Variants in VXN observed in about 807,000 individuals in gnomAD.
The protein encoded by VXN is uncharacterized protein C8orf46.
Under a neutral mutation model 23.1 loss-of-function variants are expected in VXN, and 7 were observed. The observed-to-expected ratio is 0.30, with a 90% CI of 0.17 to 0.57. VXN has a LOEUF of 0.57. Ranked by LOEUF, VXN falls within the 20% of genes least tolerant of loss-of-function variation. The pLI is 0.91. For synonymous variants in VXN, 120 were observed against 105.8 expected, an observed-to-expected ratio of 1.13 and a Z score of -0.83; for missense variants, 238 against 272.6, an observed-to-expected ratio of 0.87 and a Z score of 0.89.
At chr8:66,500,006 C>T (rs1317381077) in intron 2 of VXN, among the ~76,000 whole-genome samples, 1 of 151,882 alleles carries the variant, frequency 6.6e-6, no homozygotes, top group Admixed American at 6.6e-5. Context: ...AGATTACAGG[C>T]CTGAGCCACT....
rs748721764 is a variant in VXN at position 66,505,525 on chromosome 8, C to A, written c.277C>A (p.Pro93Thr). The change falls in exon 3 of 6, where the codon CCC becomes ACC. Residue 93 changes from proline (P) to threonine (T), a missense_variant. Physicochemically the swap from Pro to Thr is conservative, Grantham distance 38. Transcript: ENST00000305454. Reference sequence around the variant, plus strand: ...CCACCCGGCCAAAGCCTCTGCCAGACCCGGTACGTGAGTCCCGGCCCCAGC... The same window carrying A: ...CCACCCGGCCAAAGCCTCTGCCAGAACCGGTACGTGAGTCCCGGCCCCAGC... ...TAHPAKASAR[P>T]VGISEPKTSN... 2.2e-5 allele frequency: 34 copies of A among 1,513,290 alleles called. No homozygotes were observed. The highest frequency in any genetic ancestry group is 1.1e-4 in the Admixed American group (5 of 44,742). The allele number at this position is 1,513,290 out of a possible 1,614,324, so 93.7% of individuals were successfully genotyped here.
At chr8:66,515,857 G>A (rs369677098) in intron 5 of VXN, 36 bp from the exon 6 acceptor site, 94 of 1,510,774 alleles carry the variant, frequency 6.2e-5, no homozygotes, top group Non-Finnish European at 7.1e-6. Context: ...CTTGTGAGCA[G>A]ACCACCCTCC....
At chr8:66,505,635 A>T (rs1807745062) in intron 3 of VXN, 107 bp downstream of exon 3, 2 of 1,322,262 alleles carry the variant, frequency 1.5e-6, no homozygotes, top group East Asian at 5.3e-5. Flanking sequence ...CTGCGGCCTC[A>T]GTCGCGCCAG....
chr8:66,510,108 A>C lies in VXN; in HGVS notation c.293A>C (p.Glu98Ala). Residue 98 changes from glutamate (E) to alanine (A), a missense_variant, in exon 4 of 6, where the codon GAA (glutamate) becomes GCA (alanine). This residue lies in a region of VXN where 223 missense variants were observed against 236.9 expected (regional missense o/e 0.94). Transcript: ENST00000305454. Reference sequence around the variant, plus strand: ...TTCAACATTGCAGTGGGGATTTCTGAACCCAAAACATCAAATCTGTGTGGG... The same window carrying C: ...TTCAACATTGCAGTGGGGATTTCTGCACCCAAAACATCAAATCTGTGTGGG... ...KASARPVGISEPKTSNLCGNR... is the reference protein window; with the variant it reads ...KASARPVGISAPKTSNLCGNR... 1 of 1,614,038 alleles carries C rather than the reference A, an allele frequency of 6.2e-7. No homozygotes were observed. Among genetic ancestry groups the C allele is most frequent in the South Asian group, 1.1e-5 (1 of 91,056 alleles).
At chr8:66,503,835 C>T (rs911346844) in intron 2 of VXN, among the ~76,000 whole-genome samples, 4 of 152,216 alleles carry the variant, frequency 2.6e-5, no homozygotes, top group Admixed American at 6.5e-5. Flanking sequence ...TCCATTCAGC[C>T]GTCTGTTCCC....
In VXN at chr8:66,513,843, G is replaced by T. The variant is rs151013677; in HGVS notation, c.440+206G>T. ...ACTGTTTCCCTAGGATTAAGCAGGA[G>T]GGTTTTTCATGGTTTCCACTTCATT... On this transcript the variant is annotated intron_variant, in intron 5 of 5. Coordinates refer to ENST00000305454, the MANE Select transcript of VXN (RefSeq NM_152765.4). 1,519 of 518,942 alleles carry T rather than the reference G, an allele frequency of 2.9e-3. 4 individuals carry two copies. Among genetic ancestry groups the T allele is most frequent in the Admixed American group, 4.5e-3 (119 of 26,436 alleles). 32.1% of individuals were successfully genotyped at this position (518,942 alleles called of 1,614,324 possible).
At position 66,517,728 on chromosome 8, in the gene VXN, C is replaced by T. The variant is rs1232021300; in HGVS notation, c.*1652C>T. 6 of 152,162 alleles carry T rather than the reference C, an allele frequency of 3.9e-5. No individual in the cohort carries two copies. Among genetic ancestry groups the T allele is most frequent in the Non-Finnish European group, 8.8e-5 (6 of 68,020 alleles). The allele number at this position is 152,162 out of a possible 1,614,324, so 9.4% of individuals were successfully genotyped here. A position where few individuals can be genotyped will look rare whatever the true frequency, so the allele number is the denominator to read the frequency against. Reference sequence around the variant, plus strand: ...ATTCAGAGGTTTAAATTAATCTAGCCCACTTAATAAAACCAGAGATCCTAT... The same window carrying T: ...ATTCAGAGGTTTAAATTAATCTAGCTCACTTAATAAAACCAGAGATCCTAT... On this transcript the variant is annotated 3_prime_UTR_variant, in exon 6 of 6. Transcript: ENST00000305454.
In VXN at chr8:66,516,232, G is replaced by A; in HGVS notation, c.*156G>A. The A allele has an allele frequency of 1.8e-6, 1 of 565,990 alleles. No homozygotes were observed. Among genetic ancestry groups the A allele is most frequent in the South Asian group, 3.6e-5 (1 of 28,042 alleles). 35.1% of individuals were successfully genotyped at this position (565,990 alleles called of 1,614,324 possible). Reference sequence around the variant, plus strand: ...TTGATTACCCTGGGATAGGGCACAGGAAAGAAATGTCCCTCGAAGGCAATA... The same window carrying A: ...TTGATTACCCTGGGATAGGGCACAGAAAAGAAATGTCCCTCGAAGGCAATA... On this transcript the variant is annotated 3_prime_UTR_variant, in exon 6 of 6. Coordinates refer to ENST00000305454, the MANE Select transcript of VXN (RefSeq NM_152765.4).
At chr8:66,498,274 G>C (rs1357067468) in intron 2 of VXN, among the ~76,000 whole-genome samples, 1 of 151,658 alleles carries the variant, frequency 6.6e-6, no homozygotes, top group African/African-American at 2.4e-5. Context: ...TTCGAGGCTA[G>C]AGTGAGCCAT....
chr8:66,497,502 C>A (rs955432118), intron 2 of VXN, among the ~76,000 whole-genome samples: 3 of 152,234 alleles, frequency 2.0e-5, no homozygotes, highest in African/African-American at 7.2e-5. Context: ...CATGCATATG[C>A]ATTACTCTAA....
intron 4 of VXN, chr8:66,510,372 G>A: frequency 3.9e-6 from 2 of 507,678 alleles, no homozygotes; most frequent in South Asian, 5.6e-5. Context: ...TCTCTTTCTT[G>A]TGAGAAATTC....
intron 2 of VXN, chr8:66,501,243 T>C (rs1807688893): frequency 6.6e-6 from 1 of 152,200 alleles, no homozygotes; most frequent in Admixed American, 6.5e-5. Flanking sequence ...GTGTTACCCT[T>C]GCACAGTGGC....
intron 1 of VXN, 83 bp from the exon 2 acceptor site, chr8:66,496,354 C>A: frequency 7.4e-7 from 1 of 1,343,074 alleles, no homozygotes; most frequent in Non-Finnish European, 1.1e-6. Flanking sequence ...GCCACAGATT[C>A]AAACCTTCTC....
At chr8:66,494,728 G>C (rs1254716323) in intron 1 of VXN, 2 of 152,204 alleles carry the variant, frequency 1.3e-5, no homozygotes, top group Admixed American at 6.5e-5. Context: ...ACGTGCAGGA[G>C]TTGGAATTCC....
chr8:66,509,295 G>A (rs996600715), intron 3 of VXN, among the ~76,000 whole-genome samples: 7 of 152,146 alleles, frequency 4.6e-5, no homozygotes, highest in African/African-American at 9.7e-5. Context: ...TTTCCCCTAC[G>A]TTTTATCAGC....
chr8:66,502,379 G>C (rs552407269), intron 2 of VXN, among the ~76,000 whole-genome samples: 2 of 152,334 alleles, frequency 1.3e-5, no homozygotes, highest in South Asian at 4.1e-4. Context: ...GGATAAATGA[G>C]ATTGCAAAGG....
intron 2 of VXN, among the ~76,000 whole-genome samples, chr8:66,503,822 C>G (rs1285442550): frequency 6.6e-6 from 1 of 152,212 alleles, no homozygotes; most frequent in African/African-American, 2.4e-5. Flanking sequence ...AGGCCACATC[C>G]CATCCATTCA....
chr8:66,495,817 G>A (rs1807619164), intron 1 of VXN, among the ~76,000 whole-genome samples: 1 of 152,190 alleles, frequency 6.6e-6, no homozygotes, highest in Non-Finnish European at 1.5e-5. Context: ...GTGGCATTAA[G>A]TCTATTCACA....
intron 1 of VXN, among the ~76,000 whole-genome samples, chr8:66,496,101 C>G (rs924772374): frequency 2.6e-5 from 4 of 152,220 alleles, no homozygotes; most frequent in Non-Finnish European, 5.9e-5. Flanking sequence ...ACCATGTTTT[C>G]AAGGTTCATC....
Sources: gnomAD v4.1 joint callset for allele counts (sites outside exome capture counted in the v4.1 genomes callset) on GRCh38, gnomAD v4.1.1 for gene constraint, gnomAD v4.1.1 regional missense constraint, MANE v1.5 for transcripts, NCBI Gene and HGNC (gene_info 2026-07-23, HGNC 2026-07-21) for gene names.